The following RMDN2 variants were observed in gnomAD, a reference collection of about 807,000 sequenced individuals.
RMDN2 encodes the protein regulator of microtubule dynamics 2, also known as regulator of microtubule dynamics protein 2.
RMDN2 carries 61 observed loss-of-function variants against 52.8 expected under a neutral mutation model. The observed-to-expected ratio is 1.16, with a 90% confidence interval of 0.94 to 1.43. The LOEUF is 1.43. Ranked by LOEUF, RMDN2 falls within the 40% of genes most tolerant of loss-of-function variation. RMDN2 has a pLI of 0.00. For synonymous variants in RMDN2, 180 were observed against 153.1 expected, an observed-to-expected ratio of 1.18 and a Z score of -1.30; for missense variants, 592 against 475.3, an observed-to-expected ratio of 1.25 and a Z score of -2.28.
chr2:37,946,060 A>G lies in RMDN2; in HGVS notation c.452+16331A>G, dbSNP rs191774831. On this transcript the variant is annotated intron_variant, in intron 2 of 10. Coordinates refer to ENST00000354545, the MANE Select transcript of RMDN2 (RefSeq NM_001170791.3). ...AAGGCACAGGTGGGTTCAACATACT[A>G]TATTTCGTTAATTCTAAGATGAACA... Among the ~76,000 whole-genome samples, 3 of 152,352 alleles carry G rather than the reference A, an allele frequency of 2.0e-5. No individual in the cohort carries two copies. In the East Asian group the frequency reaches 5.8e-4, roughly 29 times the overall value.
chr2:38,033,557 T>C (rs754094438), intron 10 of RMDN2, among the ~76,000 whole-genome samples: 1 of 152,246 alleles, frequency 6.6e-6, no homozygotes, highest in Non-Finnish European at 1.5e-5. Flanking sequence ...TACATTGTTA[T>C]CCAATTCTAT....
chr2:38,012,509 C>T (rs1678145943), intron 10 of RMDN2: 2 of 428,778 alleles, frequency 4.7e-6, no homozygotes, highest in South Asian at 3.6e-5. Context: ...AAGAGGACTC[C>T]TAATGAATGT....
rs1682117341 is a variant in RMDN2, at chr2:38,062,930, C to G, written c.1714-4052C>G. On this transcript the variant is annotated intron_variant, in intron 10 of 10. Transcript: ENST00000234195. ...ATGGTTTACAGTTTCATCCATGTCC[C>G]TACAAAGGACATGAACTCATCATTT... 2.0e-5 allele frequency among the ~76,000 whole-genome samples: 3 copies of G among 152,220 alleles called. No homozygotes were observed. The South Asian group carries it at 6.2e-4, about 32-fold the overall frequency.
intron 10 of RMDN2, among the ~76,000 whole-genome samples, chr2:38,041,153 C>A (rs1421639623): frequency 6.6e-6 from 1 of 152,142 alleles, no homozygotes. Flanking sequence ...GTTTCACCAT[C>A]TGACTCGGGA....
At chr2:37,964,698 G>T (rs987187127) in intron 2 of RMDN2, among the ~76,000 whole-genome samples, 1 of 152,106 alleles carries the variant, frequency 6.6e-6, no homozygotes, top group Non-Finnish European at 1.5e-5. Flanking sequence ...AGGACCTACA[G>T]GTTTATAGGT....
chr2:38,066,929 T>A, intron 10 of RMDN2: 1 of 1,604,116 alleles, frequency 6.2e-7, no homozygotes, highest in Non-Finnish European at 8.5e-7. Flanking sequence ...ACGCCAAAGT[T>A]TCAATGCCAT....
At chr2:37,977,499 G>C (rs1268576133) in intron 4 of RMDN2, among the ~76,000 whole-genome samples, 1 of 151,830 alleles carries the variant, frequency 6.6e-6, no homozygotes, top group African/African-American at 2.4e-5. Flanking sequence ...GCGGCTGCCG[G>C]GCGGAGACGC....
chr2:37,962,032 G>A (rs1282573481), intron 2 of RMDN2, among the ~76,000 whole-genome samples: 1 of 152,238 alleles, frequency 6.6e-6, no homozygotes, highest in Non-Finnish European at 1.5e-5. Context: ...CTGCAGAACA[G>A]CAAAGATTGC....
intron 10 of RMDN2, among the ~76,000 whole-genome samples, chr2:38,042,971 G>C (rs1391684449): frequency 6.6e-6 from 1 of 152,092 alleles, no homozygotes; most frequent in Non-Finnish European, 1.5e-5. Context: ...TGTGTATTCT[G>C]CTCTATTGGA....
At chr2:37,964,149 C>G (rs2125031088) in intron 2 of RMDN2, among the ~76,000 whole-genome samples, 1 of 151,802 alleles carries the variant, frequency 6.6e-6, no homozygotes, top group Non-Finnish European at 1.5e-5. Flanking sequence ...GGGGCGCCTG[C>G]CGGGCGGAGG....
chr2:38,020,356 G>C (rs1255932196), downstream of RMDN2, among the ~76,000 whole-genome samples: 1 of 152,144 alleles, frequency 6.6e-6, no homozygotes, highest in Non-Finnish European at 1.5e-5. Flanking sequence ...GTGACAGCAT[G>C]CTGGCAGCCC....
intron 2 of RMDN2, among the ~76,000 whole-genome samples, chr2:37,965,475 T>G (rs1221026180): frequency 1.3e-5 from 2 of 152,078 alleles, no homozygotes; most frequent in Non-Finnish European, 2.9e-5. Context: ...CCAACTTAAT[T>G]TTAATTACAT....
downstream of RMDN2, among the ~76,000 whole-genome samples, chr2:38,018,813 CT>C (rs952851922): frequency 1.4e-4 from 21 of 152,250 alleles, no homozygotes; most frequent in Admixed American, 1.3e-3. Context: ...CTTAATCAGC[CT>C]CATCTTGGAA....
intron 2 of RMDN2, among the ~76,000 whole-genome samples, chr2:37,963,951 C>T (rs1471610726): frequency 1.3e-5 from 2 of 151,412 alleles, no homozygotes; most frequent in African/African-American, 4.8e-5. Flanking sequence ...AGGTGCCCCC[C>T]ACCTCCCTCC....
At chr2:37,926,508 C>T (rs533525556) in intron 1 of RMDN2, among the ~76,000 whole-genome samples, 3 of 152,082 alleles carry the variant, frequency 2.0e-5, no homozygotes, top group Non-Finnish European at 4.4e-5. Context: ...TTTACTAGCA[C>T]CTTACAAATT....
At chr2:38,063,794 T>G (rs554206072) in intron 10 of RMDN2, among the ~76,000 whole-genome samples, 1 of 152,224 alleles carries the variant, frequency 6.6e-6, no homozygotes, top group South Asian at 2.1e-4. Context: ...TCCCAAGCAA[T>G]GTATGAAAGT....
chr2:38,030,037 G>A (rs336042), intron 10 of RMDN2: 98,963 of 151,436 alleles, frequency 0.65, 33,161 homozygotes, highest in East Asian at 0.85. Flanking sequence ...AACCTCCCCC[G>A]TGATTCAGTT....
intron 2 of RMDN2, among the ~76,000 whole-genome samples, chr2:37,944,053 TA>T (rs1668018139): frequency 6.6e-6 from 1 of 152,152 alleles, no homozygotes; most frequent in African/African-American, 2.4e-5. Flanking sequence ...TGTTTACACA[TA>T]GGGGAAAACA....
chr2:37,930,862 C>T (rs968996269), intron 2 of RMDN2, among the ~76,000 whole-genome samples: 6 of 152,160 alleles, frequency 3.9e-5, no homozygotes, highest in East Asian at 1.9e-4. Context: ...GCCTCTGGCA[C>T]GGTGGGCCTT....
Sources: gnomAD v4.1 joint callset for allele counts (sites outside exome capture counted in the v4.1 genomes callset) on GRCh38, gnomAD v4.1.1 for gene constraint, MANE v1.5 for transcripts, NCBI Gene and HGNC (gene_info 2026-07-23, HGNC 2026-07-21) for gene names.